TTC1: variants seen among roughly 807,000 people sequenced by gnomAD.
TTC1 encodes the protein tetratricopeptide repeat protein 1.
TTC1 carries 31 observed loss-of-function variants against 37.6 expected under a neutral mutation model. That is an observed-to-expected ratio of 0.82 (90% CI 0.62 to 1.11). TTC1 has a LOEUF of 1.11. TTC1 is among the 50% of genes most tolerant of loss of function. The pLI is 0.00. For missense variants in TTC1, 351 were observed against 339.0 expected, an observed-to-expected ratio of 1.04 and a Z score of -0.28; for synonymous variants, 127 against 122.4, an observed-to-expected ratio of 1.04 and a Z score of -0.25.
chr5:160,033,035 G>T (rs892376950), intron 2 of TTC1, among the ~76,000 whole-genome samples: 12 of 152,002 alleles, frequency 7.9e-5, no homozygotes, highest in Non-Finnish European at 1.5e-4. Flanking sequence ...AGTTCTACCT[G>T]CTTTCTAAGC....
chr5:160,020,246 C>G (rs973295660), intron 2 of TTC1, among the ~76,000 whole-genome samples: 1 of 152,188 alleles, frequency 6.6e-6, no homozygotes, highest in Non-Finnish European at 1.5e-5. Context: ...TTACCAACTT[C>G]TTAGAGTTAC....
rs368208301 is a variant in TTC1, at chr5:160,039,271, G to A, written c.504+2468G>A. 5.4e-5 allele frequency: 8 copies of A among 148,820 alleles called. No individual in the cohort carries two copies. In the South Asian group the frequency reaches 1.1e-3, roughly 20 times the overall value. The allele number at this position is 148,820 out of a possible 1,614,324, so 9.2% of individuals were successfully genotyped here. On this transcript the variant is annotated intron_variant, in intron 4 of 7. Coordinates refer to ENST00000231238, the MANE Select transcript of TTC1 (RefSeq NM_003314.3). ...TATACAAGAGCAGAGCCCTAAAAGAGTAGGTTCTCTTTTTTTTTTTTTTTT... is the reference window on the plus strand; with the variant it reads ...TATACAAGAGCAGAGCCCTAAAAGAATAGGTTCTCTTTTTTTTTTTTTTTT...
chr5:160,056,393 T>C (rs772287802), intron 7 of TTC1, among the ~76,000 whole-genome samples: 1 of 152,186 alleles, frequency 6.6e-6, no homozygotes, highest in Admixed American at 6.5e-5. Context: ...TGAGGGCACA[T>C]TGTGAGCTGA....
At chr5:160,040,375 T>C (rs1757067301) in intron 4 of TTC1, among the ~76,000 whole-genome samples, 1 of 152,216 alleles carries the variant, frequency 6.6e-6, no homozygotes, top group Admixed American at 6.5e-5. Context: ...TGTGAAGGCC[T>C]AGGACATTAC....
chr5:160,013,059 A>G (rs1476451804), intron 2 of TTC1, among the ~76,000 whole-genome samples: 2 of 152,212 alleles, frequency 1.3e-5, no homozygotes. Flanking sequence ...ATATCAGTCT[A>G]AGTGTTTTCA....
intron 7 of TTC1, among the ~76,000 whole-genome samples, chr5:160,059,251 A>G (rs1757631819): frequency 6.6e-6 from 1 of 152,252 alleles, no homozygotes; most frequent in Non-Finnish European, 1.5e-5. Flanking sequence ...GATCTTAGCT[A>G]GATCTTCTGA....
chr5:160,021,919 C>T (rs575806539), intron 2 of TTC1, among the ~76,000 whole-genome samples: 8 of 152,046 alleles, frequency 5.3e-5, no homozygotes, highest in Non-Finnish European at 1.0e-4. Flanking sequence ...CTCTCTTTTA[C>T]TCCAGCTATT....
At position 160,043,183 on chromosome 5, in the gene TTC1, A is replaced by G. The variant is rs1485440115; in HGVS notation, c.541+14A>G. On this transcript the variant is annotated intron_variant, in intron 5 of 7. Transcript: ENST00000231238. ...ACTGCAGCAAAGGTACAGCTTTATT[A>G]TCTTATTACATGTTAACATACAGGA... 1.9e-6 allele frequency: 3 copies of G among 1,613,344 alleles called. No homozygotes were observed. In the South Asian group the frequency reaches 3.3e-5, roughly 18 times the overall value.
At chr5:160,022,584 A>G (rs1046481060) in intron 2 of TTC1, among the ~76,000 whole-genome samples, 1 of 152,196 alleles carries the variant, frequency 6.6e-6, no homozygotes, top group Non-Finnish European at 1.5e-5. Context: ...GGCATCTAAT[A>G]TAGTATAGGT....
Position 160,038,711 on chromosome 5 carries a change from G to A in TTC1, c.504+1908G>A, listed in dbSNP as rs536743685. On this transcript the variant is annotated intron_variant, in intron 4 of 7. Coordinates refer to ENST00000231238, the MANE Select transcript of TTC1 (RefSeq NM_003314.3). ...GGAGTCTCACTCTGTCACCTAGGCT[G>A]GAGTGCAGTGGTGTGATCTCGGCTC... Among the ~76,000 whole-genome samples, 3 of 138,354 alleles carry A rather than the reference G, an allele frequency of 2.2e-5. No individual in the cohort carries two copies. In the South Asian group the frequency reaches 6.9e-4, roughly 32 times the overall value. The allele number at this position is 138,354 out of a possible 152,430, so 90.8% of individuals were successfully genotyped here. A position where few individuals can be genotyped will look rare whatever the true frequency, so the allele number is the denominator to read the frequency against.
chr5:160,049,177 G>T (rs866994902), intron 5 of TTC1, among the ~76,000 whole-genome samples: 2 of 152,278 alleles, frequency 1.3e-5, no homozygotes, highest in Middle Eastern at 3.4e-3. Flanking sequence ...AATATTTCAT[G>T]ATAATGTGAA....
At chr5:160,042,999 G>A in intron 4 of TTC1, 134 bp from the exon 5 acceptor site, 2 of 925,866 alleles carry the variant, frequency 2.2e-6, no homozygotes, top group Non-Finnish European at 3.2e-6. Context: ...TAACATTCAG[G>A]TTTTTACGTA....
intron 2 of TTC1, among the ~76,000 whole-genome samples, chr5:160,012,329 C>T (rs1756518132): frequency 6.6e-6 from 1 of 151,830 alleles, no homozygotes; most frequent in African/African-American, 2.4e-5. Flanking sequence ...GTCTCCTAGG[C>T]CAGAAAATCA....
chr5:160,010,436 T>C, intron 1 of TTC1, 64 bp from the exon 2 acceptor site: 1 of 1,148,988 alleles, frequency 8.7e-7, no homozygotes, highest in Non-Finnish European at 1.2e-6. Context: ...TTGTTTAGGT[T>C]TGAAACAGAA....
rs1399322703 is a variant in TTC1, at chr5:160,036,716, T to C, written c.417T>C (p.Tyr139=). The part of the protein sequence containing the change: ...KGDYIEAESS[Y]SRALEMCPSC... The stretch of plus-strand genomic sequence containing the variant: ...ATTATATAGAAGCTGAAAGTTCTTA[T>C]AGTCGAGCCCTCGAAATGTGCCCAT... The change falls in exon 4 of 8, where the codon TAT becomes TAC. Residue 139 remains tyrosine, a synonymous_variant. Coordinates refer to ENST00000231238, the MANE Select transcript of TTC1 (RefSeq NM_003314.3). 5.0e-6 allele frequency: 8 copies of C among 1,613,738 alleles called. No homozygotes were observed. Among genetic ancestry groups the C allele is most frequent in the Non-Finnish European group, 5.1e-6 (6 of 1,179,794 alleles).
intron 2 of TTC1, among the ~76,000 whole-genome samples, chr5:160,034,571 C>T (rs1756971077): frequency 6.6e-6 from 1 of 152,116 alleles, no homozygotes; most frequent in Admixed American, 6.5e-5. Flanking sequence ...GATTAAAGTA[C>T]TTATTTCACA....
intron 2 of TTC1, among the ~76,000 whole-genome samples, chr5:160,021,985 T>C (rs1366280208): frequency 6.6e-6 from 1 of 152,180 alleles, no homozygotes; most frequent in Non-Finnish European, 1.5e-5. Context: ...TGTATGCCGT[T>C]TTATTTTGTA....
intron 2 of TTC1, among the ~76,000 whole-genome samples, chr5:160,011,186 CGGTT>C (rs1432997074): frequency 1.3e-5 from 2 of 152,094 alleles, no homozygotes; most frequent in Non-Finnish European, 2.9e-5. Context: ...AACTTTTCTA[CGGTT>C]GGCTGCTGAG....
At chr5:160,018,920 C>A (rs1370836283) in intron 2 of TTC1, among the ~76,000 whole-genome samples, 1 of 152,140 alleles carries the variant, frequency 6.6e-6, no homozygotes, top group Non-Finnish European at 1.5e-5. Flanking sequence ...GCAGTGGATT[C>A]GATTGGCGGG....
Sources: gnomAD v4.1 joint callset for allele counts (sites outside exome capture counted in the v4.1 genomes callset) on GRCh38, gnomAD v4.1.1 for gene constraint, MANE v1.5 for transcripts, NCBI Gene and HGNC (gene_info 2026-07-23, HGNC 2026-07-21) for gene names.